Variants in DGKB observed in about 807,000 individuals in gnomAD.
DGKB encodes diacylglycerol kinase beta, also known as 90 kDa diacylglycerol kinase.
DGKB carries 67 observed loss-of-function variants against 114.3 expected under a neutral mutation model. The observed-to-expected ratio is 0.59, with a 90% CI of 0.48 to 0.72. The LOEUF (loss-of-function observed/expected upper bound fraction) is 0.72, where lower values mean the gene tolerates loss of function less well. DGKB is among the 30% of genes least tolerant of loss of function. The pLI is 0.00. For synonymous variants in DGKB, 398 were observed against 323.1 expected (o/e 1.23, Z -2.49); for missense variants, 907 against 975.2 (o/e 0.93, Z 0.93).
rs79113980 is a variant in DGKB at position 14,961,079 on chromosome 7, C to T, written c.-188+13617G>A. Among the ~76,000 whole-genome samples the T allele has an allele frequency of 5.8e-3, 887 of 152,048 alleles. 10 individuals carry two copies. The highest frequency in any genetic ancestry group is 0.02 in the African/African-American group (848 of 41,432). Reference sequence around the variant, plus strand: ...GACTAAGGAGAAAAAGCATACAAATCTATTTAATGTGTATACAGGAGAGCC... The same window carrying T: ...GACTAAGGAGAAAAAGCATACAAATTTATTTAATGTGTATACAGGAGAGCC... On this transcript the variant is annotated intron_variant, in intron 1 of 4. Coordinates refer to the DGKB transcript ENST00000437998.
chr7:14,307,519 G>A (rs1804689017), intron 23 of DGKB, among the ~76,000 whole-genome samples: 1 of 152,110 alleles, frequency 6.6e-6, no homozygotes, highest in African/African-American at 2.4e-5. Flanking sequence ...TATGCATATA[G>A]GCAAAGAACA....
rs781698994 is a variant in DGKB at position 14,178,064 on chromosome 7, C to T, written c.2210G>A (p.Arg737Gln). ...QIYTGLKSAG[R>Q]RLAQCSCVVI... ...CACGCAGGAGCACTGAGCCAGCCGC[C>T]GGCCAGCACTTTTCAGGCCTGTGTA... is the stretch of plus-strand genomic sequence containing the variant. The change falls in exon 24 of 26, where the codon CGG (arginine) becomes CAG (glutamine). Residue 737 changes from arginine (R) to glutamine (Q), a missense_variant. Physicochemically the swap from Arg to Gln is conservative, Grantham distance 43. Transcript: ENST00000402815. 38 of 1,602,464 alleles carry T rather than the reference C, an allele frequency of 2.4e-5. No homozygotes were observed. The highest frequency in any genetic ancestry group is 2.7e-5 in the Non-Finnish European group (32 of 1,176,272).
intron 23 of DGKB, among the ~76,000 whole-genome samples, chr7:14,317,536 T>C (rs1225482544): frequency 7.3e-5 from 11 of 151,536 alleles, no homozygotes; most frequent in Admixed American, 3.3e-4. Context: ...CCATTCACAA[T>C]TGCTTCAAAG....
chr7:14,423,900 C>A (rs1827114530), intron 21 of DGKB, among the ~76,000 whole-genome samples: 1 of 152,084 alleles, frequency 6.6e-6, no homozygotes, highest in Non-Finnish European at 1.5e-5. Context: ...AGGCCCAAAT[C>A]TTTATCATTT....
chr7:14,528,903 C>G (rs1791089176), intron 20 of DGKB, among the ~76,000 whole-genome samples: 1 of 151,994 alleles, frequency 6.6e-6, no homozygotes, highest in Admixed American at 6.6e-5. Flanking sequence ...TGACAAATAA[C>G]TTGGGCACGG....
chr7:14,281,197 C>A (rs2128454905), intron 23 of DGKB, among the ~76,000 whole-genome samples: 1 of 151,762 alleles, frequency 6.6e-6, no homozygotes, highest in Admixed American at 6.6e-5. Context: ...CAAAAACAGG[C>A]AGGGGTTGCA....
chr7:14,229,326 C>T (rs1394632347), intron 23 of DGKB, among the ~76,000 whole-genome samples: 1 of 151,882 alleles, frequency 6.6e-6, no homozygotes, highest in Non-Finnish European at 1.5e-5. Context: ...TGTACTTACA[C>T]AAATATAGAT....
intron 1 of DGKB, among the ~76,000 whole-genome samples, chr7:14,871,475 C>A (rs561391627): frequency 6.6e-6 from 1 of 152,052 alleles, no homozygotes; most frequent in Non-Finnish European, 1.5e-5. Flanking sequence ...ATGATCCACC[C>A]TACTCCAATT....
chr7:14,339,546 T>C (rs1199183744), intron 22 of DGKB, among the ~76,000 whole-genome samples: 1 of 152,110 alleles, frequency 6.6e-6, no homozygotes, highest in African/African-American at 2.4e-5. Context: ...TGTTTTGTTA[T>C]ATTCAGAGTG....
intron 13 of DGKB, among the ~76,000 whole-genome samples, chr7:14,636,502 C>T (rs565082727): frequency 5.3e-5 from 8 of 151,726 alleles, no homozygotes; most frequent in South Asian, 2.1e-4. Context: ...TCCTTTTAGC[C>T]GAAATAGAAA....
At chr7:14,525,382 T>A (rs963275223) in intron 20 of DGKB, among the ~76,000 whole-genome samples, 95 of 152,288 alleles carry the variant, frequency 6.2e-4, no homozygotes, top group African/African-American at 2.3e-3. Context: ...AATGAAATAT[T>A]CTTAGTTTGA....
At chr7:14,449,522 C>A (rs949476797) in intron 21 of DGKB, among the ~76,000 whole-genome samples, 1 of 152,000 alleles carries the variant, frequency 6.6e-6, no homozygotes, top group African/African-American at 2.4e-5. Flanking sequence ...CCATGCAGGC[C>A]ACCTTGCTCT....
chr7:14,442,245 T>C (rs1437538888), intron 21 of DGKB, among the ~76,000 whole-genome samples: 1 of 152,022 alleles, frequency 6.6e-6, no homozygotes, highest in African/African-American at 2.4e-5. Context: ...TCTTTTGTTA[T>C]CAGTTTTGTA....
chr7:14,840,771 A>T (rs113847560), intron 2 of DGKB, among the ~76,000 whole-genome samples: 1 of 149,546 alleles, frequency 6.7e-6, no homozygotes, highest in African/African-American at 2.5e-5. Flanking sequence ...CCCTCTTGAT[A>T]TCTATGAGTC....
At position 14,356,255 on chromosome 7, in the gene DGKB, G is replaced by T. The variant is rs748784217; in HGVS notation, c.1836-10864C>A. Among the ~76,000 whole-genome samples, 33 of 150,014 alleles carry T rather than the reference G, an allele frequency of 2.2e-4. 1 individual carries two copies. Among genetic ancestry groups the T allele is most frequent in the Admixed American group, 5.3e-4 (8 of 15,054 alleles). ...CCTGGATTCATTTATTTTTTGAGGG[G>T]TTTTTTGACTCTCTATCTCCTTCAG... On this transcript the variant is annotated intron_variant, in intron 21 of 25. Transcript: ENST00000402815.
At chr7:14,707,398 A>G (rs1380071070) in intron 6 of DGKB, among the ~76,000 whole-genome samples, 102 of 146,622 alleles carry the variant, frequency 7.0e-4, no homozygotes, top group South Asian at 1.6e-3. Flanking sequence ...ACAAGGAGGA[A>G]CTGGTACCAT....
At chr7:14,806,991 A>G (rs1330746258) in intron 2 of DGKB, among the ~76,000 whole-genome samples, 4 of 151,986 alleles carry the variant, frequency 2.6e-5, no homozygotes, top group Non-Finnish European at 4.4e-5. Flanking sequence ...TTGGGTATTC[A>G]TCTATCACTG....
chr7:14,197,538 C>T (rs957258210), intron 23 of DGKB, among the ~76,000 whole-genome samples: 7 of 152,038 alleles, frequency 4.6e-5, no homozygotes, highest in African/African-American at 9.7e-5. Flanking sequence ...TACGGAAAAC[C>T]TCTATTCAGT....
At chr7:14,409,771 G>A (rs6972732) in intron 21 of DGKB, among the ~76,000 whole-genome samples, 546 of 9,848 alleles carry the variant, frequency 0.055, 197 homozygotes, top group African/African-American at 0.076. Flanking sequence ...ACCGTAGATT[G>A]AAGTCTGCAG....
Sources: allele counts gnomAD v4.1 joint callset (sites outside exome capture counted in the v4.1 genomes callset), GRCh38; gene constraint gnomAD v4.1.1; transcripts MANE v1.5; gene names NCBI Gene and HGNC (gene_info 2026-07-23, HGNC 2026-07-21).